SMOC1: variants seen among roughly 807,000 people sequenced by gnomAD.
The protein encoded by SMOC1 is SPARC related modular calcium binding 1.
In SMOC1, 22 loss-of-function variants were observed where a neutral mutation model predicts 56.3. That is an observed-to-expected ratio of 0.39 (90% CI 0.28 to 0.56). The LOEUF (loss-of-function observed/expected upper bound fraction) is 0.56, where lower values mean the gene tolerates loss of function less well. Among genes scored for constraint, SMOC1 ranks in the 20% least tolerant of loss-of-function variants. The probability of loss-of-function intolerance (pLI) is 0.61; values close to 1 mark genes in which losing one functional copy is unlikely to be tolerated. For missense variants in SMOC1, 509 were observed against 565.4 expected, an observed-to-expected ratio of 0.90 and a Z score of 1.01; for synonymous variants, 193 against 215.0, an observed-to-expected ratio of 0.90 and a Z score of 0.89.
chr14:69,883,173 A>G (rs1048410498), intron 1 of SMOC1, among the ~76,000 whole-genome samples: 6 of 152,242 alleles, frequency 3.9e-5, no homozygotes, highest in Middle Eastern at 3.2e-3. Flanking sequence ...GCATTTTTCA[A>G]GGATACAATA....
intron 2 of SMOC1, among the ~76,000 whole-genome samples, 156 bp from the exon 3 acceptor site, chr14:69,953,264 G>T (rs1883069747): frequency 6.6e-6 from 1 of 152,248 alleles, no homozygotes; most frequent in African/African-American, 2.4e-5. Context: ...GGGGGGCTGT[G>T]CAGCAGTTAC....
At position 69,993,784 on chromosome 14, in the gene SMOC1, A is replaced by G. The variant is rs559318797; in HGVS notation, c.584-616A>G. ...TGTCTCATCTTGGGAGACCTCCCCA[A>G]TACCCTCATTGAAGGTCACTCCACA... On this transcript the variant is annotated intron_variant, in intron 6 of 11. Transcript: ENST00000361956. Among the ~76,000 whole-genome samples, 16 of 152,234 alleles carry G rather than the reference A, an allele frequency of 1.1e-4. No homozygotes were observed. The East Asian group carries it at 2.1e-3, about 20-fold the overall frequency.
At chr14:69,954,655 G>A (rs1883124324) in intron 3 of SMOC1, among the ~76,000 whole-genome samples, 1 of 152,210 alleles carries the variant, frequency 6.6e-6, no homozygotes, top group African/African-American at 2.4e-5. Context: ...TGATGAAAGT[G>A]TGGAAGGTCA....
At chr14:69,921,798 G>T (rs1205360985) in intron 1 of SMOC1, among the ~76,000 whole-genome samples, 1 of 152,142 alleles carries the variant, frequency 6.6e-6, no homozygotes, top group East Asian at 1.9e-4. Context: ...TTATAAAATG[G>T]CTCAGAGGGT....
chr14:69,975,019 TCCAACTTGTACTTG>T (rs1883898714), intron 3 of SMOC1, among the ~76,000 whole-genome samples: 1 of 152,150 alleles, frequency 6.6e-6, no homozygotes, highest in South Asian at 2.1e-4. Flanking sequence ...GTGGTGTCAT[TCCAACTTGTACTTG>T]CCAAATTAGT....
chr14:69,938,440 C>T (rs564442472), intron 1 of SMOC1, among the ~76,000 whole-genome samples: 1 of 152,202 alleles, frequency 6.6e-6, no homozygotes, highest in African/African-American at 2.4e-5. Flanking sequence ...CCAAGAATCC[C>T]GTGTAGTGGC....
intron 1 of SMOC1, among the ~76,000 whole-genome samples, chr14:69,917,665 T>A (rs150521318): frequency 8.0e-4 from 122 of 152,316 alleles, no homozygotes; most frequent in African/African-American, 2.9e-3. Flanking sequence ...AACAATAGTT[T>A]TAAAAATAGT....
chr14:69,946,404 G>A (rs1277288065), intron 1 of SMOC1, among the ~76,000 whole-genome samples: 1 of 152,224 alleles, frequency 6.6e-6, no homozygotes, highest in Non-Finnish European at 1.5e-5. Flanking sequence ...TCTGCAAGGA[G>A]AATGGGTAGG....
In SMOC1 at chr14:70,030,375, C is replaced by A; in HGVS notation, c.*117C>A. 7.5e-7 allele frequency: 1 copy of A among 1,341,778 alleles called. No homozygotes were observed. The highest frequency in any genetic ancestry group is 1.0e-6 in the Non-Finnish European group (1 of 958,438). The allele number at this position is 1,341,778 out of a possible 1,614,324, so 83.1% of individuals were successfully genotyped here. A position where few individuals can be genotyped will look rare whatever the true frequency, so the allele number is the denominator to read the frequency against. ...CATCCCGTGTAACATAAGTGGTGCC[C>A]ACCATGTTTGCACTTTTAATAACTC... On this transcript the variant is annotated 3_prime_UTR_variant, in exon 12 of 12. Transcript: ENST00000361956.
intron 6 of SMOC1, 54 bp from the exon 7 acceptor site, chr14:69,994,346 A>G: frequency 7.2e-7 from 1 of 1,383,212 alleles, no homozygotes; most frequent in South Asian, 1.2e-5. Flanking sequence ...TTACACTTCC[A>G]CTCACATAGT....
intron 1 of SMOC1, among the ~76,000 whole-genome samples, chr14:69,949,951 C>A (rs1882933423): frequency 6.6e-6 from 1 of 152,202 alleles, no homozygotes; most frequent in Non-Finnish European, 1.5e-5. Context: ...GTCAGCTCAC[C>A]CCTCTTCTGT....
At chr14:69,981,366 A>C (rs936767613) in intron 5 of SMOC1, among the ~76,000 whole-genome samples, 1 of 151,954 alleles carries the variant, frequency 6.6e-6, no homozygotes, top group Non-Finnish European at 1.5e-5. Flanking sequence ...TGTTTAACGA[A>C]CTCCTTTATG....
At chr14:70,021,302 A>T (rs532833911) in intron 10 of SMOC1, among the ~76,000 whole-genome samples, 73 of 152,248 alleles carry the variant, frequency 4.8e-4, no homozygotes, top group African/African-American at 1.7e-3. Flanking sequence ...ATTCCAACAA[A>T]ATTTTCTGCC....
rs759679796 is a variant in SMOC1, at chr14:69,952,343, T to G, written c.265+40T>G. On this transcript the variant is annotated intron_variant, in intron 2 of 11. Transcript: ENST00000361956. ...CCCTGCCCAGCCAAGGAGAGGTTCC[T>G]GGGCACCCCAGCTCCCTCACTATGC... 3.1e-6 allele frequency: 5 copies of G among 1,611,848 alleles called. No homozygotes were observed. The Admixed American group carries it at 8.3e-5, about 27-fold the overall frequency.
intron 1 of SMOC1, among the ~76,000 whole-genome samples, chr14:69,903,937 A>G (rs1484115423): frequency 2.0e-5 from 3 of 151,132 alleles, no homozygotes; most frequent in Admixed American, 1.3e-4. Context: ...CATCTAACCT[A>G]CTGGAGGAGG....
intron 1 of SMOC1, among the ~76,000 whole-genome samples, chr14:69,896,185 G>A (rs1594790498): frequency 1.3e-5 from 2 of 152,288 alleles, no homozygotes; most frequent in South Asian, 2.1e-4. Flanking sequence ...CATCTACTTT[G>A]TGAATGAAAT....
At chr14:69,917,098 G>A (rs1343945397) in intron 1 of SMOC1, among the ~76,000 whole-genome samples, 1 of 152,214 alleles carries the variant, frequency 6.6e-6, no homozygotes, top group Non-Finnish European at 1.5e-5. Context: ...AATGATATTT[G>A]ATCAGCTTGA....
chr14:69,890,891 A>G (rs1471598867), intron 1 of SMOC1, among the ~76,000 whole-genome samples: 1 of 152,192 alleles, frequency 6.6e-6, no homozygotes, highest in African/African-American at 2.4e-5. Context: ...AGAAATTCTA[A>G]TGTATATGGA....
chr14:70,023,362 G>A lies in SMOC1; in HGVS notation c.1206G>A (p.Arg402=), dbSNP rs565430425. 1 of 1,614,154 alleles carries A rather than the reference G, an allele frequency of 6.2e-7. No homozygotes were observed. The highest frequency in any genetic ancestry group is 8.5e-7 in the Non-Finnish European group (1 of 1,180,034). Residue 402 remains arginine, a synonymous_variant, in exon 11 of 12, where the codon CGG becomes CGA. Transcript: ENST00000361956. ...KKKAKPKKCA[R]RFTDYCDLNK... is the part of the protein sequence containing the mutation. ...AAGCCAAGCCCAAGAAATGTGCCCG[G>A]CGTTTCACCGACTACTGTGACCTGA...
Sources: gnomAD v4.1 joint callset for allele counts (sites outside exome capture counted in the v4.1 genomes callset) on GRCh38, gnomAD v4.1.1 for gene constraint, MANE v1.5 for transcripts, NCBI Gene and HGNC (gene_info 2026-07-23, HGNC 2026-07-21) for gene names.